BLTP1: variants seen among roughly 807,000 people sequenced by gnomAD.
BLTP1 encodes the protein bridge-like lipid transfer protein family member 1.
the BLTP1 span, chr4:122,243,133 G>A: frequency 7.0e-7 from 1 of 1,424,496 alleles, no homozygotes; most frequent in Non-Finnish European, 9.8e-7. Flanking sequence ...AGTTTATTCT[G>A]AATAATAATC....
the BLTP1 span, among the ~76,000 whole-genome samples, chr4:122,311,129 A>G: frequency 5.3e-5 from 8 of 152,168 alleles, no homozygotes; most frequent in Non-Finnish European, 8.8e-5. Flanking sequence ...GAAGTAAACC[A>G]TTTCCTTAAC....
chr4:122,286,503 A>G, the BLTP1 span: 7 of 1,610,242 alleles, frequency 4.3e-6, no homozygotes, highest in East Asian at 2.2e-5. Context: ...GAGTGAATGA[A>G]CACTAGCACA....
At chr4:122,194,007 C>T in the BLTP1 span, among the ~76,000 whole-genome samples, 8 of 151,466 alleles carry the variant, frequency 5.3e-5, no homozygotes, top group East Asian at 7.8e-4. Flanking sequence ...GGACTACAGG[C>T]GCCCGCCACT....
the BLTP1 span, chr4:122,219,556 C>T: frequency 2.5e-5 from 40 of 1,612,464 alleles, no homozygotes; most frequent in East Asian, 4.5e-5. Flanking sequence ...AGTTCATGGG[C>T]GTCTTCCTGT....
the BLTP1 span, among the ~76,000 whole-genome samples, chr4:122,242,248 A>T: frequency 2.0e-5 from 3 of 152,348 alleles, no homozygotes; most frequent in South Asian, 6.2e-4. Context: ...GAATAGACAG[A>T]TAAAGAAAAT....
chr4:122,346,095 T>G, the BLTP1 span: 1 of 676,140 alleles, frequency 1.5e-6, no homozygotes, highest in South Asian at 6.6e-5. Context: ...GTCATTGGCA[T>G]GTAAACCCTA....
chr4:122,353,861 C>T, the BLTP1 span: 50 of 1,613,560 alleles, frequency 3.1e-5, no homozygotes, highest in Admixed American at 8.0e-4. The surrounding 1 kb of genome is among the most constrained non-coding windows in gnomAD (Gnocchi z 4.3). Context: ...AGATTTTCAC[C>T]TGGGTCATAA....
the BLTP1 span, among the ~76,000 whole-genome samples, chr4:122,160,056 G>A: frequency 6.6e-6 from 1 of 152,206 alleles, no homozygotes; most frequent in South Asian, 2.1e-4. Flanking sequence ...AACAGAATAG[G>A]ACATTATATA....
chr4:122,255,624 C>T, the BLTP1 span, among the ~76,000 whole-genome samples: 5 of 151,560 alleles, frequency 3.3e-5, no homozygotes, highest in Non-Finnish European at 7.4e-5. Flanking sequence ...CCAGCCTGGG[C>T]AACAAGAGCA....
At chr4:122,187,150 A>C in the BLTP1 span, 1 of 984,658 alleles carries the variant, frequency 1.0e-6, no homozygotes, top group Non-Finnish European at 1.2e-6. Flanking sequence ...ACAGCATATC[A>C]TCCCTTATAG....
chr4:122,246,048 CATAG>C, the BLTP1 span: 18 of 1,266,694 alleles, frequency 1.4e-5, no homozygotes, highest in East Asian at 2.0e-4. Flanking sequence ...GCAGCTGGCA[CATAG>C]ATAGGCATAG....
chr4:122,319,276 C>CT, the BLTP1 span, among the ~76,000 whole-genome samples: 2 of 151,162 alleles, frequency 1.3e-5, no homozygotes, highest in African/African-American at 4.9e-5. Flanking sequence ...TTAATTTGCC[C>CT]TTTTTTTTCT....
chr4:122,281,308 T>C, the BLTP1 span: 1 of 976,940 alleles, frequency 1.0e-6, no homozygotes, highest in East Asian at 1.1e-4. Context: ...ACCTTCACAG[T>C]ATAACATTCT....
the BLTP1 span, among the ~76,000 whole-genome samples, chr4:122,228,640 C>A: frequency 5.9e-5 from 9 of 152,224 alleles, no homozygotes; most frequent in Non-Finnish European, 1.3e-4. Context: ...CTAACCTAAA[C>A]ATCATAAAAA....
the BLTP1 span, among the ~76,000 whole-genome samples, chr4:122,164,151 A>G: frequency 1.3e-5 from 2 of 152,250 alleles, no homozygotes; most frequent in Non-Finnish European, 2.9e-5. Context: ...TTTAAGAACC[A>G]TAGAAAGAAA....
At chr4:122,359,274 C>T in the BLTP1 span, 3 of 940,572 alleles carry the variant, frequency 3.2e-6, no homozygotes, top group Non-Finnish European at 2.5e-6. Flanking sequence ...AAACCTACTA[C>T]AGCCATTCTT....
the BLTP1 span, chr4:122,348,581 A>G: frequency 6.3e-7 from 1 of 1,591,742 alleles, no homozygotes. Flanking sequence ...ACTTTCAAAA[A>G]CATCAACTCC....
At chr4:122,173,178 T>G in the BLTP1 span, 1 of 1,599,768 alleles carries the variant, frequency 6.3e-7, no homozygotes, top group South Asian at 1.1e-5. Context: ...CACTGAATTT[T>G]TTTCTTCCTT....
the BLTP1 span, chr4:122,301,177 A>G: frequency 5.1e-6 from 6 of 1,186,282 alleles, no homozygotes; most frequent in South Asian, 1.1e-4. Flanking sequence ...TAACTTAGCT[A>G]AAGATCTCTG....
Sources: allele counts gnomAD v4.1 joint callset (sites outside exome capture counted in the v4.1 genomes callset), GRCh38; gene constraint gnomAD v4.1.1; non-coding constraint Gnocchi (gnomAD v3.1); transcripts MANE v1.5; gene names NCBI Gene and HGNC (gene_info 2026-07-23, HGNC 2026-07-21).